FGF12: variants seen among roughly 807,000 people sequenced by gnomAD.
The protein encoded by FGF12 is fibroblast growth factor 12, also known as fibroblast growth factor 12B.
Under a neutral mutation model 23.6 loss-of-function variants are expected in FGF12, and 14 were observed. That is an observed-to-expected ratio of 0.59 (90% CI 0.39 to 0.93). FGF12 has a LOEUF of 0.93. Among genes scored for constraint, FGF12 ranks in the 40% least tolerant of loss-of-function variants. The probability of loss-of-function intolerance (pLI) is 0.00; values close to 1 mark genes in which losing one functional copy is unlikely to be tolerated. For synonymous variants in FGF12, 62 were observed against 77.3 expected (o/e 0.80, Z 1.04); for missense variants, 175 against 217.8 (o/e 0.80, Z 1.24).
intron 2 of FGF12, among the ~76,000 whole-genome samples, chr3:192,643,444 G>C (rs1310028529): frequency 6.6e-6 from 1 of 152,168 alleles, no homozygotes; most frequent in African/African-American, 2.4e-5. Flanking sequence ...TCTGCAATCT[G>C]GCCCCAATCT....
intron 5 of FGF12, among the ~76,000 whole-genome samples, 192 bp downstream of exon 5, chr3:192,170,266 C>G (rs1577199264): frequency 8.2e-6 from 1 of 121,604 alleles, no homozygotes; most frequent in Non-Finnish European, 1.6e-5. Context: ...GGCGACAGAG[C>G]AAGACTCTGC....
intron 2 of FGF12, among the ~76,000 whole-genome samples, chr3:192,585,180 C>T (rs190090801): frequency 7.4e-4 from 113 of 152,226 alleles, no homozygotes; most frequent in Non-Finnish European, 1.5e-3. Context: ...CTTTCTAGGT[C>T]GGGTCCAAAC....
intron 4 of FGF12, among the ~76,000 whole-genome samples, chr3:192,265,653 T>TA (rs1577298523): frequency 1.3e-5 from 2 of 152,166 alleles, no homozygotes; most frequent in East Asian, 3.9e-4. Flanking sequence ...GTTTTTTTTT[T>TA]AACACAGCCA....
chr3:192,145,009 C>T (rs1713617898), intron 5 of FGF12, among the ~76,000 whole-genome samples: 1 of 152,160 alleles, frequency 6.6e-6, no homozygotes, highest in Non-Finnish European at 1.5e-5. Flanking sequence ...ACAGGTATCT[C>T]CACCTATTAA....
chr3:192,143,452 G>C lies in FGF12; in HGVS notation c.*557C>G, dbSNP rs1484059581. On this transcript the variant is annotated 3_prime_UTR_variant, in exon 6 of 6. Coordinates refer to ENST00000445105, the MANE Select transcript of FGF12 (RefSeq NM_004113.6). ...TGGTTCCTGGCTATATATTTTATAG[G>C]TATTAACATAGTTTATAATTTGGAA... 6.6e-6 allele frequency: 1 copy of C among 151,896 alleles called. No homozygotes were observed. Among genetic ancestry groups the C allele is most frequent in the East Asian group, 1.9e-4 (1 of 5,176 alleles). The allele number at this position is 151,896 out of a possible 1,614,324, so 9.4% of individuals were successfully genotyped here.
At chr3:192,307,625 G>T (rs1440427487) in intron 4 of FGF12, among the ~76,000 whole-genome samples, 1 of 152,172 alleles carries the variant, frequency 6.6e-6, no homozygotes, top group African/African-American at 2.4e-5. Flanking sequence ...TTTACTGTTA[G>T]GGGAAGCACT....
At chr3:192,510,657 A>C (rs1397272696) in intron 2 of FGF12, among the ~76,000 whole-genome samples, 1 of 152,222 alleles carries the variant, frequency 6.6e-6, no homozygotes, top group Non-Finnish European at 1.5e-5. Context: ...TTCACAGAAA[A>C]ACATGCACAA....
At chr3:192,619,354 TG>T (rs148588651) in intron 2 of FGF12, among the ~76,000 whole-genome samples, 1,979 of 152,074 alleles carry the variant, frequency 0.013, 44 homozygotes, top group African/African-American at 0.045. Context: ...CAAAGGGAAG[TG>T]AAAAGTGTGG....
intron 4 of FGF12, among the ~76,000 whole-genome samples, chr3:192,309,386 A>T (rs982756031): frequency 2.6e-5 from 4 of 152,124 alleles, no homozygotes; most frequent in African/African-American, 7.2e-5. Context: ...GCAACAAAAA[A>T]CTCCATCATC....
chr3:192,367,159 A>T (rs970950983), intron 2 of FGF12, among the ~76,000 whole-genome samples: 1 of 152,226 alleles, frequency 6.6e-6, no homozygotes, highest in Non-Finnish European at 1.5e-5. Flanking sequence ...GGTCCACTAA[A>T]TACAATTTCA....
At chr3:192,448,083 A>C (rs770762087) in intron 2 of FGF12, among the ~76,000 whole-genome samples, 2 of 152,268 alleles carry the variant, frequency 1.3e-5, no homozygotes, top group East Asian at 3.9e-4. Context: ...TCATATATAT[A>C]TGTGTGTATA....
chr3:192,538,261 TTTTC>T (rs200929010), intron 2 of FGF12, among the ~76,000 whole-genome samples: 1 of 139,326 alleles, frequency 7.2e-6, no homozygotes, highest in East Asian at 2.0e-4. Context: ...AATCCGTTTT[TTTTC>T]TTTTGTTTTG....
At chr3:192,646,447 C>A (rs562647645) in intron 2 of FGF12, among the ~76,000 whole-genome samples, 4 of 152,048 alleles carry the variant, frequency 2.6e-5, no homozygotes, top group African/African-American at 9.6e-5. Context: ...GAAGAGGAAT[C>A]CACAAAACAC....
intron 3 of FGF12, among the ~76,000 whole-genome samples, chr3:192,339,448 T>C (rs752725459): frequency 6.6e-6 from 1 of 152,170 alleles, no homozygotes; most frequent in Non-Finnish European, 1.5e-5. Flanking sequence ...CTGTCTCCAA[T>C]GTCCTTTACA....
chr3:192,182,001 A>G (rs1716207599), intron 4 of FGF12, among the ~76,000 whole-genome samples: 1 of 152,182 alleles, frequency 6.6e-6, no homozygotes, highest in African/African-American at 2.4e-5. Context: ...TAAACAATAA[A>G]CAGCAGAAAA....
chr3:192,722,892 A>C (rs554639343), intron 2 of FGF12, among the ~76,000 whole-genome samples: 2 of 152,226 alleles, frequency 1.3e-5, no homozygotes, highest in Non-Finnish European at 2.9e-5. Context: ...AAATAAGCAC[A>C]TTGGGTACAT....
intron 2 of FGF12, among the ~76,000 whole-genome samples, chr3:192,644,333 G>A (rs1715919362): frequency 6.6e-6 from 1 of 152,020 alleles, no homozygotes; most frequent in South Asian, 2.1e-4. Flanking sequence ...CAAGTTGAGG[G>A]GAAGCAAAGT....
chr3:192,316,739 G>A (rs941453853), intron 4 of FGF12, among the ~76,000 whole-genome samples: 2 of 152,156 alleles, frequency 1.3e-5, no homozygotes, highest in African/African-American at 4.8e-5. Context: ...TGTGGTGCAT[G>A]TGACCTAGTG....
chr3:192,399,705 A>G (rs1326041107), intron 2 of FGF12, among the ~76,000 whole-genome samples: 3 of 151,596 alleles, frequency 2.0e-5, no homozygotes, highest in Non-Finnish European at 4.4e-5. Context: ...ACGTTTAAAA[A>G]CTCTCAGGTG....
Sources: gnomAD v4.1 joint callset for allele counts (sites outside exome capture counted in the v4.1 genomes callset) on GRCh38, gnomAD v4.1.1 for gene constraint, MANE v1.5 for transcripts, NCBI Gene and HGNC (gene_info 2026-07-23, HGNC 2026-07-21) for gene names.